Variants in ARMC9 observed in about 807,000 individuals in gnomAD.
The protein encoded by ARMC9 is armadillo repeat containing 9.
A neutral mutation model predicts 107.0 loss-of-function variants in ARMC9; 94 were observed. The ratio of observed to expected loss-of-function variants is 0.88; its 90% CI spans 0.74 to 1.04. The LOEUF is 1.04. ARMC9 is among the 50% of genes least tolerant of loss of function. The pLI is 0.00. For missense variants in ARMC9, 942 were observed against 1,030.1 expected, an observed-to-expected ratio of 0.91 and a Z score of 1.17; for synonymous variants, 380 against 396.9, an observed-to-expected ratio of 0.96 and a Z score of 0.51.
At chr2:231,264,360 G>A (rs2038659474) in intron 12 of ARMC9, among the ~76,000 whole-genome samples, 1 of 150,420 alleles carries the variant, frequency 6.6e-6, no homozygotes, top group South Asian at 2.1e-4. Context: ...TTTATTTTTA[G>A]TAGAGACGGG....
chr2:231,302,022 G>A (rs903870020), intron 19 of ARMC9, among the ~76,000 whole-genome samples: 2 of 151,866 alleles, frequency 1.3e-5, no homozygotes, highest in African/African-American at 4.8e-5. Flanking sequence ...TAGTTCCTGG[G>A]TCTCCTGTCC....
At chr2:231,315,396 A>G (rs10933366) in intron 19 of ARMC9, among the ~76,000 whole-genome samples, 61,102 of 151,074 alleles carry the variant, frequency 0.4, 12,935 homozygotes, top group African/African-American at 0.53. Flanking sequence ...AAAATTAGCC[A>G]GGCGTGGTGG....
chr2:231,261,827 C>CTT (rs776868487), intron 11 of ARMC9, among the ~76,000 whole-genome samples: 9 of 145,018 alleles, frequency 6.2e-5, no homozygotes, highest in Non-Finnish European at 9.1e-5. Flanking sequence ...ATCACAGGTT[C>CTT]TTTTTTTTTT....
chr2:231,245,621 C>T (rs566919639), intron 9 of ARMC9, among the ~76,000 whole-genome samples: 1 of 152,178 alleles, frequency 6.6e-6, no homozygotes, highest in Admixed American at 6.5e-5. Flanking sequence ...GTTTCATATG[C>T]GTCCTTCTAG....
chr2:231,267,473 C>T (rs917579201), intron 12 of ARMC9, among the ~76,000 whole-genome samples: 4 of 152,152 alleles, frequency 2.6e-5, no homozygotes, highest in Non-Finnish European at 4.4e-5. Flanking sequence ...TCAGGTAATC[C>T]GCCTGCCTCA....
intron 7 of ARMC9, among the ~76,000 whole-genome samples, chr2:231,231,603 C>G (rs1016783578): frequency 6.6e-6 from 1 of 151,748 alleles, no homozygotes; most frequent in Non-Finnish European, 1.5e-5. Flanking sequence ...AGGCTGGTCT[C>G]GAACTCCTGG....
intron 2 of ARMC9, among the ~76,000 whole-genome samples, 195 bp from the exon 3 acceptor site, chr2:231,207,932 A>G (rs929311999): frequency 3.9e-5 from 6 of 151,930 alleles, no homozygotes; most frequent in Non-Finnish European, 2.9e-5. Context: ...CCATTCTGAC[A>G]GGTGTGAGGT....
At chr2:231,290,950 GT>G (rs58962746) in intron 17 of ARMC9, among the ~76,000 whole-genome samples, 70,638 of 135,008 alleles carry the variant, frequency 0.52, 20,327 homozygotes, top group South Asian at 0.76. Context: ...TTTTACAATA[GT>G]TTTTTTTTTT....
intron 12 of ARMC9, among the ~76,000 whole-genome samples, chr2:231,267,781 TA>T (rs2038983112): frequency 6.6e-6 from 1 of 152,182 alleles, no homozygotes; most frequent in Non-Finnish European, 1.5e-5. Flanking sequence ...GTGCTCTGTT[TA>T]AAAATTGGGA....
At chr2:231,258,332 T>C (rs907306314) in intron 10 of ARMC9, among the ~76,000 whole-genome samples, 9 of 151,966 alleles carry the variant, frequency 5.9e-5, no homozygotes, top group African/African-American at 2.2e-4. Flanking sequence ...CAGGCGCGTG[T>C]CACTATGCCC....
chr2:231,210,728 C>T lies in ARMC9; in HGVS notation c.177+2476C>T, dbSNP rs147918974. On this transcript the variant is annotated intron_variant, in intron 3 of 24. Transcript: ENST00000611582. ...TCAGCTCCAGCTGCATCTGAGAACACTCAAATGTCTCTTTAGGTCTTTTTA... is the reference window on the plus strand; with the variant it reads ...TCAGCTCCAGCTGCATCTGAGAACATTCAAATGTCTCTTTAGGTCTTTTTA... 9.1e-3 allele frequency among the ~76,000 whole-genome samples: 1,388 copies of T among 152,332 alleles called. 23 individuals are homozygous for T. Among genetic ancestry groups the T allele is most frequent in the Non-Finnish European group, 0.011 (720 of 68,034 alleles).
chr2:231,278,287 C>A, intron 15 of ARMC9, 95 bp from the exon 16 acceptor site: 1 of 1,229,894 alleles, frequency 8.1e-7, no homozygotes, highest in South Asian at 1.2e-5. Context: ...AGCTCATGAG[C>A]AGAGGAGCCA....
chr2:231,214,766 G>T, intron 3 of ARMC9, 65 bp from the exon 4 acceptor site: 1 of 1,512,952 alleles, frequency 6.6e-7, no homozygotes, highest in Non-Finnish European at 9.1e-7. Context: ...GGTGTTGAGT[G>T]GGTTGTGAGA....
intron 20 of ARMC9, among the ~76,000 whole-genome samples, chr2:231,337,475 T>TG (rs1228801733): frequency 3.8e-5 from 5 of 129,998 alleles, no homozygotes; most frequent in African/African-American, 1.6e-4. Flanking sequence ...TTTTGTTTTT[T>TG]TTTTTTTTTT....
intron 19 of ARMC9, among the ~76,000 whole-genome samples, chr2:231,296,533 A>T (rs956375271): frequency 1.3e-5 from 2 of 152,208 alleles, no homozygotes; most frequent in Middle Eastern, 3.2e-3. Context: ...GAAGCTGAAC[A>T]ATGACCATTC....
intron 21 of ARMC9, 123 bp downstream of exon 21, chr2:231,345,213 T>C: frequency 6.7e-7 from 1 of 1,484,418 alleles, no homozygotes; most frequent in South Asian, 1.3e-5. Flanking sequence ...TTTATCTCTT[T>C]ATTTTTGGGG....
intron 20 of ARMC9, among the ~76,000 whole-genome samples, chr2:231,341,119 G>A (rs1356717537): frequency 1.3e-5 from 2 of 152,168 alleles, no homozygotes; most frequent in African/African-American, 2.4e-5. Flanking sequence ...TTGAGCCTAG[G>A]AGTTCAAGGC....
Position 231,239,108 on chromosome 2 carries a change from G to A in ARMC9, c.781-835G>A, listed in dbSNP as rs115481283. On this transcript the variant is annotated intron_variant, in intron 8 of 24. Transcript: ENST00000611582. ...CATGCCTAGAAAAAAGTGTGGAAGG[G>A]TGTACACTTTTTAATAGTCATTATC... Among the ~76,000 whole-genome samples, 903 of 152,290 alleles carry A rather than the reference G, an allele frequency of 5.9e-3. 9 individuals carry two copies. Among genetic ancestry groups the A allele is most frequent in the African/African-American group, 0.021 (872 of 41,558 alleles).
At chr2:231,247,701 C>G (rs1224497364) in intron 9 of ARMC9, among the ~76,000 whole-genome samples, 1 of 152,178 alleles carries the variant, frequency 6.6e-6, no homozygotes, top group Non-Finnish European at 1.5e-5. Flanking sequence ...GAGGCCGAGG[C>G]AGGCAGATTA....
Sources: allele counts gnomAD v4.1 joint callset (sites outside exome capture counted in the v4.1 genomes callset), GRCh38; gene constraint gnomAD v4.1.1; transcripts MANE v1.5; gene names NCBI Gene and HGNC (gene_info 2026-07-23, HGNC 2026-07-21).